The following XNDC1N variants were observed in gnomAD, a reference collection of about 807,000 sequenced individuals.
XNDC1N encodes the protein protein XNDC1N.
At chr11:71,902,439 C>A in the XNDC1N span, among the ~76,000 whole-genome samples, 1 of 152,212 alleles carries the variant, frequency 6.6e-6, no homozygotes, top group Non-Finnish European at 1.5e-5. Flanking sequence ...GATCCGCCCT[C>A]CTCGGCCTCC....
chr11:71,903,866 A>T, the XNDC1N span: 4 of 370,656 alleles, frequency 1.1e-5, no homozygotes, highest in Non-Finnish European at 2.1e-5. Context: ...TGTTTCCTCC[A>T]TTCTGAGGGT....
chr11:71,912,538 C>T, the XNDC1N span, among the ~76,000 whole-genome samples: 5 of 152,220 alleles, frequency 3.3e-5, no homozygotes, highest in South Asian at 1.0e-3. Context: ...TGTGCAATTA[C>T]TTTGACATTG....
the XNDC1N span, among the ~76,000 whole-genome samples, chr11:71,879,793 C>T: frequency 6.6e-6 from 1 of 152,126 alleles, no homozygotes. Flanking sequence ...ATTTTTGTCT[C>T]TATGTATATT....
chr11:71,913,314 C>A, the XNDC1N span, among the ~76,000 whole-genome samples: 1 of 152,000 alleles, frequency 6.6e-6, no homozygotes, highest in Non-Finnish European at 1.5e-5. Flanking sequence ...AAGATTTTCA[C>A]AGGGGTGTGT....
chr11:71,888,975 T>G, the XNDC1N span, among the ~76,000 whole-genome samples: 6 of 152,154 alleles, frequency 3.9e-5, no homozygotes, highest in Non-Finnish European at 5.9e-5. Context: ...TGGGCATCAG[T>G]AGACTGGGAA....
chr11:71,887,129 C>T, the XNDC1N span, among the ~76,000 whole-genome samples: 2 of 152,204 alleles, frequency 1.3e-5, no homozygotes, highest in Non-Finnish European at 2.9e-5. Context: ...GTCACAATGA[C>T]AGTCGGGGGT....
chr11:71,914,752 G>A, the XNDC1N span, among the ~76,000 whole-genome samples: 2 of 152,002 alleles, frequency 1.3e-5, no homozygotes, highest in East Asian at 3.9e-4. Context: ...GGATGTGACA[G>A]AATTACTGCA....
chr11:71,896,138 G>T, the XNDC1N span, among the ~76,000 whole-genome samples: 16 of 152,182 alleles, frequency 1.1e-4, no homozygotes, highest in Non-Finnish European at 1.6e-4. Flanking sequence ...AATGAGTCGG[G>T]CGTGGTGACC....
the XNDC1N span, among the ~76,000 whole-genome samples, chr11:71,915,450 A>C: frequency 1.3e-5 from 2 of 149,872 alleles, no homozygotes; most frequent in African/African-American, 4.9e-5. Context: ...TCTGTCCCCA[A>C]AAAAAAAAAG....
the XNDC1N span, chr11:71,923,263 C>G: frequency 1.4e-6 from 1 of 700,210 alleles, no homozygotes; most frequent in Non-Finnish European, 2.6e-6. Context: ...TTTTTTCACT[C>G]CTTTCAGTTA....
chr11:71,896,337 G>T, the XNDC1N span, among the ~76,000 whole-genome samples: 4 of 152,298 alleles, frequency 2.6e-5, no homozygotes, highest in African/African-American at 9.6e-5. Context: ...GTTAGCAGAC[G>T]CTAGGAAGAA....
chr11:71,914,677 GAC>G, the XNDC1N span, among the ~76,000 whole-genome samples: 1 of 149,860 alleles, frequency 6.7e-6, no homozygotes, highest in Non-Finnish European at 1.5e-5. Context: ...GACAGAGAGA[GAC>G]TTTGTCTCGG....
chr11:71,917,879 G>C, the XNDC1N span: 6 of 635,444 alleles, frequency 9.4e-6, no homozygotes, highest in Middle Eastern at 4.0e-4. Context: ...CTAGCTGAAA[G>C]CCAGAAAGGT....
At chr11:71,896,453 GTTCA>G in the XNDC1N span, among the ~76,000 whole-genome samples, 1 of 152,202 alleles carries the variant, frequency 6.6e-6, no homozygotes, top group African/African-American at 2.4e-5. Flanking sequence ...GAAAATTTTA[GTTCA>G]CAAGAATTGC....
At chr11:71,878,187 T>A in the XNDC1N span, among the ~76,000 whole-genome samples, 1 of 152,232 alleles carries the variant, frequency 6.6e-6, no homozygotes, top group Non-Finnish European at 1.5e-5. Flanking sequence ...ATTTCAAGTC[T>A]CTCTCCTGCC....
chr11:71,917,660 G>C, the XNDC1N span: 1 of 703,406 alleles, frequency 1.4e-6, no homozygotes, highest in Non-Finnish European at 2.6e-6. Flanking sequence ...TTCTTCCCCT[G>C]CTTTGAATCA....
the XNDC1N span, among the ~76,000 whole-genome samples, chr11:71,902,038 G>T: frequency 6.6e-6 from 1 of 152,060 alleles, no homozygotes; most frequent in South Asian, 2.1e-4. Flanking sequence ...AGAGGAACAA[G>T]TGAGTCTCTT....
At chr11:71,893,442 C>A in the XNDC1N span, 27 of 716,458 alleles carry the variant, frequency 3.8e-5, no homozygotes, top group African/African-American at 4.5e-4. Flanking sequence ...ATCCTCTTTC[C>A]TTCTCAAGGT....
chr11:71,890,523 G>T, the XNDC1N span, among the ~76,000 whole-genome samples: 3 of 152,010 alleles, frequency 2.0e-5, no homozygotes, highest in African/African-American at 7.3e-5. Flanking sequence ...ATATCACAAG[G>T]GGCGTGTACA....
Sources: allele counts gnomAD v4.1 joint callset (sites outside exome capture counted in the v4.1 genomes callset), GRCh38; gene constraint gnomAD v4.1.1; transcripts MANE v1.5; gene names NCBI Gene and HGNC (gene_info 2026-07-23, HGNC 2026-07-21).